DHX36: variants seen among roughly 807,000 people sequenced by gnomAD.
DHX36 encodes the protein ATP-dependent DNA/RNA helicase DHX36.
Under a neutral mutation model 139.0 loss-of-function variants are expected in DHX36, and 50 were observed. The observed-to-expected ratio is 0.36, with a 90% CI of 0.29 to 0.46. The LOEUF (loss-of-function observed/expected upper bound fraction) is 0.46, where lower values mean the gene tolerates loss of function less well. DHX36 is among the 20% of genes least tolerant of loss of function. The pLI is 1.00. For missense variants in DHX36, 1,024 were observed against 1,211.3 expected, an observed-to-expected ratio of 0.85 and a Z score of 2.29; for synonymous variants, 425 against 401.9, an observed-to-expected ratio of 1.06 and a Z score of -0.69.
intron 20 of DHX36, 32 bp from the exon 21 acceptor site, chr3:154,280,894 A>G: frequency 6.6e-7 from 1 of 1,518,784 alleles, no homozygotes; most frequent in Admixed American, 1.7e-5. Context: ...TAGAACTAGA[A>G]TACCTTTCAC....
chr3:154,301,182 T>C, intron 9 of DHX36, 55 bp from the exon 10 acceptor site: 6 of 1,487,736 alleles, frequency 4.0e-6, no homozygotes, highest in Non-Finnish European at 5.4e-6. Context: ...TAGTTTTAGC[T>C]AAAATCTGTG....
At chr3:154,296,302 G>A (rs1363819218) in intron 12 of DHX36, among the ~76,000 whole-genome samples, 1 of 152,006 alleles carries the variant, frequency 6.6e-6, no homozygotes. Flanking sequence ...GTGAAACCCC[G>A]TCTATACTAA....
At chr3:154,306,913 C>T (rs34630317) in intron 5 of DHX36, among the ~76,000 whole-genome samples, 25,296 of 151,848 alleles carry the variant, frequency 0.17, 2,871 homozygotes, top group East Asian at 0.39. Flanking sequence ...ATCTAGTATA[C>T]ACTGACAGAC....
chr3:154,306,433 A>G (rs1166516199), intron 5 of DHX36, 138 bp from the exon 6 acceptor site: 1 of 687,086 alleles, frequency 1.5e-6, no homozygotes, highest in Non-Finnish European at 2.4e-6. Context: ...TTAAAATCTG[A>G]GGTATCTAAA....
intron 2 of DHX36, 82 bp downstream of exon 2, chr3:154,315,957 T>TC: frequency 6.9e-7 from 1 of 1,455,668 alleles, no homozygotes; most frequent in Non-Finnish European, 9.2e-7. Flanking sequence ...AAAATTCACT[T>TC]ATCGAAGAAA....
At chr3:154,305,301 A>G (rs1712456122) in intron 6 of DHX36, 133 bp from the exon 7 acceptor site, 1 of 710,036 alleles carries the variant, frequency 1.4e-6, no homozygotes, top group African/African-American at 1.8e-5. Flanking sequence ...TTTTTTACTT[A>G]TAAGAACACC....
At chr3:154,288,066 A>G (rs1711612306) in intron 17 of DHX36, among the ~76,000 whole-genome samples, 1 of 148,640 alleles carries the variant, frequency 6.7e-6, no homozygotes, top group African/African-American at 2.5e-5. Context: ...CATGTACCTT[A>G]TAACCCAGGA....
chr3:154,314,365 G>C lies in DHX36; in HGVS notation c.603+681C>G, dbSNP rs149262310. 9.2e-5 allele frequency among the ~76,000 whole-genome samples: 14 copies of C among 152,230 alleles called. No homozygotes were observed. In the East Asian group the frequency reaches 2.5e-3, roughly 27 times the overall value. On this transcript the variant is annotated intron_variant, in intron 3 of 24. Transcript: ENST00000496811. ...CCAAGGGATCCTTTCTTTCCTATAG[G>C]AGGTGCTATATCCTTCCTTTATCAA...
intron 1 of DHX36, among the ~76,000 whole-genome samples, chr3:154,323,565 G>A (rs938847390): frequency 1.4e-4 from 21 of 152,162 alleles, no homozygotes; most frequent in African/African-American, 4.8e-4. Context: ...AGGAGAGTAA[G>A]CCAAATCATC....
Position 154,299,887 on chromosome 3 carries a change from A to G in DHX36, c.1500T>C (p.Asn500=), listed in dbSNP as rs747903398. Reference sequence around the variant, plus strand: ...TCAAGAGATCATGTAAAGTGCTGATATTGTCCCAGCCTGGCAGAAAGACCA... The same window carrying G: ...TCAAGAGATCATGTAAAGTGCTGATGTTGTCCCAGCCTGGCAGAAAGACCA... ...AILVFLPGWD[N]ISTLHDLLMS... Residue 500 remains asparagine, a synonymous_variant, in exon 12 of 25, where the codon AAT becomes AAC. Transcript: ENST00000496811. 4.3e-6 allele frequency: 7 copies of G among 1,613,804 alleles called. No homozygotes were observed. In the South Asian group the frequency reaches 7.7e-5, roughly 18 times the overall value.
At chr3:154,318,348 AT>A (rs1237101890) in intron 1 of DHX36, among the ~76,000 whole-genome samples, 2 of 152,104 alleles carry the variant, frequency 1.3e-5, no homozygotes, top group African/African-American at 4.8e-5. Flanking sequence ...TTTAGTTAGA[AT>A]ATAACCTATA....
At chr3:154,298,473 C>G (rs1712130765) in intron 12 of DHX36, among the ~76,000 whole-genome samples, 1 of 152,012 alleles carries the variant, frequency 6.6e-6, no homozygotes, top group African/African-American at 2.4e-5. Context: ...ATAGAGAAGT[C>G]AATTAGATCA....
Position 154,300,973 on chromosome 3 carries a change from C to T in DHX36, c.1358+14G>A, listed in dbSNP as rs1412679488. The stretch of plus-strand genomic sequence containing the variant: ...TAGCCACTGATTTCTCACCTTCAGA[C>T]AAAATAAACTTACCTTCTTCGCAGT... On this transcript the variant is annotated intron_variant, in intron 10 of 24. Coordinates refer to ENST00000496811, the MANE Select transcript of DHX36 (RefSeq NM_020865.3). 1.8e-5 allele frequency: 29 copies of T among 1,609,000 alleles called. No homozygotes were observed. The highest frequency in any genetic ancestry group is 2.3e-5 in the Non-Finnish European group (27 of 1,179,028).
intron 20 of DHX36, among the ~76,000 whole-genome samples, chr3:154,282,782 C>T (rs540388393): frequency 3.9e-5 from 6 of 152,252 alleles, no homozygotes; most frequent in South Asian, 4.1e-4. Flanking sequence ...ATGGCATATG[C>T]CCTCTTTACT....
Position 154,295,322 on chromosome 3 carries a change from G to A in DHX36, c.1567C>T (p.Pro523Ser), listed in dbSNP as rs776349643. The A allele has an allele frequency of 3.5e-5, 54 of 1,526,744 alleles. No individual in the cohort carries two copies. The highest frequency in any genetic ancestry group is 4.7e-5 in the Non-Finnish European group (53 of 1,124,284). 94.6% of individuals were successfully genotyped at this position (1,526,744 alleles called of 1,614,324 possible). The change falls in exon 13 of 25, where the codon CCT becomes TCT. Residue 523 changes from proline (P) to serine (S), a missense_variant. By Grantham distance (74) the Pro-to-Ser change is moderately conservative. Transcript: ENST00000496811. The part of the protein sequence containing the change: ...MFKSDKFLII[P>S]LHSLMPTVNQ... ...ACTGTAGGCATCAGTGAATGTAAAG[G>A]TATAATTAAAAATTTATCTGAAAAT...
At chr3:154,316,665 A>C (rs1262998726) in intron 1 of DHX36, among the ~76,000 whole-genome samples, 1 of 152,092 alleles carries the variant, frequency 6.6e-6, no homozygotes, top group Non-Finnish European at 1.5e-5. Context: ...CAGTGCTTAT[A>C]AGGTGATCCA....
chr3:154,284,544 T>G, intron 19 of DHX36, 39 bp downstream of exon 19: 1 of 1,468,340 alleles, frequency 6.8e-7, no homozygotes. Context: ...TTCATTTGAA[T>G]AAACTATCAT....
In DHX36 at chr3:154,289,746, A is replaced by C; in HGVS notation, c.1895T>G (p.Leu632Trp). 1 of 1,613,144 alleles carries C rather than the reference A, an allele frequency of 6.2e-7. No individual in the cohort carries two copies. Among genetic ancestry groups the C allele is most frequent in the Non-Finnish European group, 8.5e-7 (1 of 1,179,302 alleles). The change falls in exon 16 of 25, where the codon TTG becomes TGG. Residue 632 changes from leucine to tryptophan, a missense_variant. Leu to Trp is a moderately conservative substitution (Grantham distance 61). Transcript: ENST00000496811. ...ACAAAGTTCTTCCAAAGGAGTTCTC[A>C]AAATTTCTGGCAGTTGATAGTCATC... ...LLDDYQLPEI[L>W]RTPLEELCLQ...
intron 1 of DHX36, among the ~76,000 whole-genome samples, chr3:154,321,205 T>C (rs999409254): frequency 6.6e-6 from 1 of 152,216 alleles, no homozygotes; most frequent in Non-Finnish European, 1.5e-5. Context: ...ATACATTCCT[T>C]TTTGGGCAAA....
Sources: allele counts gnomAD v4.1 joint callset (sites outside exome capture counted in the v4.1 genomes callset), GRCh38; gene constraint gnomAD v4.1.1; transcripts MANE v1.5; gene names NCBI Gene and HGNC (gene_info 2026-07-23, HGNC 2026-07-21).